Variants in FRY observed in about 807,000 individuals in gnomAD.
FRY encodes the protein protein furry homolog.
FRY carries 128 observed loss-of-function variants against 348.4 expected under a neutral mutation model. That is an observed-to-expected ratio of 0.37 (90% confidence interval 0.32 to 0.43). FRY has a LOEUF of 0.43. Ranked by LOEUF, FRY falls within the 20% of genes least tolerant of loss-of-function variation. The probability of loss-of-function intolerance (pLI) is 1.00; values close to 1 mark genes in which losing one functional copy is unlikely to be tolerated. For synonymous variants in FRY, 1,370 were observed against 1,374.7 expected (o/e 1.00, Z 0.08); for missense variants, 2,736 against 3,695.2 (o/e 0.74, Z 6.73).
rs1051401788 is a variant in FRY, at chr13:32,202,602, CAT to C, written c.4018+76_4018+77del. ...CGTATGTGATCATTTCTAATAATGA[CAT>C]GTGATCATTTCTTTGCTCTAAGTAA... On this transcript the variant is annotated intron_variant, in intron 31 of 60. Transcript: ENST00000542859. 1.1e-4 allele frequency: 129 copies of C among 1,223,678 alleles called. 1 individual carries two copies. The highest frequency in any genetic ancestry group is 3.9e-4 in the Middle Eastern group (2 of 5,190). 75.8% of individuals were successfully genotyped at this position (1,223,678 alleles called of 1,614,324 possible). A position where few individuals can be genotyped will look rare whatever the true frequency, so the allele number is the denominator to read the frequency against.
At chr13:32,160,743 TCACAATTACAAAAGG>T (rs1187904368) in intron 16 of FRY, among the ~76,000 whole-genome samples, 1 of 120,260 alleles carries the variant, frequency 8.3e-6, no homozygotes, top group Non-Finnish European at 1.7e-5. Flanking sequence ...CTGCTAGATA[TCACAATTACAAAAGG>T]CACCATTCCA....
In FRY at chr13:32,275,175, G is replaced by A. The variant is rs375772136; in HGVS notation, c.8286+184G>A. The A allele has an allele frequency of 2.6e-4, 146 of 560,976 alleles. 1 individual carries two copies. Among genetic ancestry groups the A allele is most frequent in the South Asian group, 2.0e-3 (115 of 58,230 alleles). The allele number at this position is 560,976 out of a possible 1,614,324, so 34.7% of individuals were successfully genotyped here. A position where few individuals can be genotyped will look rare whatever the true frequency, so the allele number is the denominator to read the frequency against. On this transcript the variant is annotated intron_variant, in intron 56 of 60. Coordinates refer to ENST00000542859, the MANE Select transcript of FRY (RefSeq NM_023037.3). ...GGGCGGATCACAAGGTCAGGAGATC[G>A]AGACCATCCTGGCTAACACGGTGAA...
In FRY at chr13:32,239,540, C is replaced by T. The variant is rs1886392221; in HGVS notation, c.6517-171C>T. Reference sequence around the variant, plus strand: ...TTGCTTGCTTTCATTCTTGAGAATGCAGGTGGGAAGAATTTGTGAAAATTA... The same window carrying T: ...TTGCTTGCTTTCATTCTTGAGAATGTAGGTGGGAAGAATTTGTGAAAATTA... On this transcript the variant is annotated intron_variant, in intron 45 of 60. Coordinates refer to ENST00000542859, the MANE Select transcript of FRY (RefSeq NM_023037.3). This position sits in a 1 kb window ranked among gnomAD's most constrained non-coding sequence, Gnocchi z 4.3. Among the ~76,000 whole-genome samples, 1 of 152,198 alleles carries T rather than the reference C, an allele frequency of 6.6e-6. No homozygotes were observed. Among genetic ancestry groups the T allele is most frequent in the Non-Finnish European group, 1.5e-5 (1 of 68,038 alleles).
rs1423215056 is a variant in FRY at position 32,224,986 on chromosome 13, G to A, written c.4970G>A (p.Arg1657Gln). The A allele has an allele frequency of 3.7e-6, 6 of 1,611,990 alleles. No individual in the cohort carries two copies. Among genetic ancestry groups the A allele is most frequent in the East Asian group, 4.5e-5 (2 of 44,868 alleles). The change falls in exon 38 of 61, where the codon CGA becomes CAA. Residue 1657 changes from arginine (R) to glutamine (Q), a missense_variant. Transcript: ENST00000542859. ...MTEMVVDHSVREDWALHLPLL... is the reference protein window; with the variant it reads ...MTEMVVDHSVQEDWALHLPLL... Reference sequence around the variant, plus strand: ...GAAATGGTGGTGGATCACAGTGTACGAGAAGACTGGGCGCTTCATCTACCA... The same window carrying A: ...GAAATGGTGGTGGATCACAGTGTACAAGAAGACTGGGCGCTTCATCTACCA...
chr13:32,052,722 A>C (rs1404071544), intron 1 of FRY, among the ~76,000 whole-genome samples: 1 of 152,230 alleles, frequency 6.6e-6, no homozygotes, highest in African/African-American at 2.4e-5. Context: ...GTACTTTCAT[A>C]TATGCAGATT....
At chr13:32,183,804 A>G (rs566351401) in intron 24 of FRY, among the ~76,000 whole-genome samples, 11 of 151,190 alleles carry the variant, frequency 7.3e-5, no homozygotes, top group East Asian at 5.9e-4. Flanking sequence ...AAAAACCTAG[A>G]AAAGGAGGCT....
At chr13:32,057,703 T>A (rs1873712833) in intron 1 of FRY, among the ~76,000 whole-genome samples, 1 of 152,186 alleles carries the variant, frequency 6.6e-6, no homozygotes, top group South Asian at 2.1e-4. Context: ...CTCACACCTG[T>A]AATGCTAGCA....
intron 1 of FRY, among the ~76,000 whole-genome samples, chr13:32,043,251 G>C (rs1872839118): frequency 6.6e-6 from 1 of 152,144 alleles, no homozygotes; most frequent in Non-Finnish European, 1.5e-5. Flanking sequence ...CTCCCACCAG[G>C]TCCCTCCCAC....
At position 32,124,862 on chromosome 13, in the gene FRY, T is replaced by C. The variant is rs777451055; in HGVS notation, c.703T>C (p.Leu235=). 1 of 1,611,406 alleles carries C rather than the reference T, an allele frequency of 6.2e-7. No homozygotes were observed. The highest frequency in any genetic ancestry group is 8.5e-7 in the Non-Finnish European group (1 of 1,177,584). ...ADLYAEVIGV[L]AQAKFPAVKK... is the part of the protein sequence containing the mutation. ...CCTGTATGCAGAAGTCATTGGAGTG[T>C]TGGCACAAGCCAAGTAAGTGAATGC... The change falls in exon 7 of 61, where the codon TTG becomes CTG. Residue 235 remains leucine (L), a synonymous_variant. Transcript: ENST00000542859.
chr13:32,083,231 T>C (rs1361831741), intron 2 of FRY, among the ~76,000 whole-genome samples: 1 of 152,176 alleles, frequency 6.6e-6, no homozygotes, highest in African/African-American at 2.4e-5. Flanking sequence ...TACCTACCTA[T>C]TGAGAATTTT....
chr13:32,081,608 A>G (rs1191031720), intron 2 of FRY, among the ~76,000 whole-genome samples: 2 of 152,234 alleles, frequency 1.3e-5, no homozygotes, highest in Non-Finnish European at 2.9e-5. Context: ...TACAGGCGTG[A>G]GCCACTACCT....
chr13:32,130,363 G>A (rs1198805289), intron 7 of FRY, among the ~76,000 whole-genome samples: 1 of 151,688 alleles, frequency 6.6e-6, no homozygotes, highest in African/African-American at 2.4e-5. Context: ...TTTAATCAAG[G>A]CTTGCTTCTA....
intron 46 of FRY, among the ~76,000 whole-genome samples, chr13:32,240,487 A>C (rs780221181): frequency 6.6e-6 from 1 of 152,140 alleles, no homozygotes; most frequent in Non-Finnish European, 1.5e-5. Flanking sequence ...CTCGCCTTTT[A>C]TGTTTGTTTT....
intron 23 of FRY, 100 bp from the exon 24 acceptor site, chr13:32,182,877 T>C: frequency 1.3e-6 from 1 of 774,014 alleles, no homozygotes; most frequent in Non-Finnish European, 2.3e-6. Flanking sequence ...AAGCAAAGTG[T>C]AAAAAGCAAG....
chr13:32,268,528 A>C (rs866533908), intron 55 of FRY, among the ~76,000 whole-genome samples: 3 of 145,980 alleles, frequency 2.1e-5, no homozygotes, highest in Non-Finnish European at 4.5e-5. Flanking sequence ...ATATATATAT[A>C]TATATATATA....
intron 31 of FRY, among the ~76,000 whole-genome samples, chr13:32,205,482 T>G (rs1056019912): frequency 3.3e-5 from 5 of 152,122 alleles, no homozygotes; most frequent in African/African-American, 1.2e-4. Flanking sequence ...TAAACTAGCA[T>G]GATGTAATTG....
chr13:32,121,142 T>G (rs1183091026), intron 4 of FRY, among the ~76,000 whole-genome samples: 1 of 152,264 alleles, frequency 6.6e-6, no homozygotes, highest in Non-Finnish European at 1.5e-5. Flanking sequence ...ATCATATATA[T>G]ATACCACAGT....
At chr13:32,278,356 A>G in intron 57 of FRY, 109 bp from the exon 58 acceptor site, 1 of 733,668 alleles carries the variant, frequency 1.4e-6, no homozygotes, top group Non-Finnish European at 2.5e-6. Flanking sequence ...GCACAATTTC[A>G]TTTTACTATT....
intron 2 of FRY, among the ~76,000 whole-genome samples, chr13:32,094,817 A>G (rs1413518018): frequency 1.3e-5 from 2 of 152,210 alleles, no homozygotes; most frequent in Non-Finnish European, 2.9e-5. Context: ...GCTGCAACAA[A>G]TGTGGGAGTG....
Sources: allele counts gnomAD v4.1 joint callset (sites outside exome capture counted in the v4.1 genomes callset), GRCh38; gene constraint gnomAD v4.1.1; non-coding constraint Gnocchi (gnomAD v3.1); transcripts MANE v1.5; gene names NCBI Gene and HGNC (gene_info 2026-07-23, HGNC 2026-07-21).